ABCA5: variants seen among roughly 807,000 people sequenced by gnomAD.
ABCA5 encodes ATP binding cassette subfamily A member 5, also known as cholesterol transporter ABCA5.
Under a neutral mutation model 206.0 loss-of-function variants are expected in ABCA5, and 163 were observed. The ratio of observed to expected loss-of-function variants is 0.79; its 90% CI spans 0.70 to 0.90. The LOEUF (loss-of-function observed/expected upper bound fraction) is 0.90. Among genes scored for constraint, ABCA5 ranks in the 40% least tolerant of loss-of-function variants. The pLI is 0.00. For synonymous variants in ABCA5, 609 were observed against 613.8 expected, an observed-to-expected ratio of 0.99 and a Z score of 0.11; for missense variants, 1,859 against 1,912.9, an observed-to-expected ratio of 0.97 and a Z score of 0.53.
At chr17:69,308,185 T>C (rs1337909136) in intron 5 of ABCA5, 95 bp downstream of exon 5, 5 of 599,608 alleles carry the variant, frequency 8.3e-6, no homozygotes, top group African/African-American at 7.5e-5. Context: ...TTTTGTACAT[T>C]TGACAGTAGT....
intron 31 of ABCA5, among the ~76,000 whole-genome samples, chr17:69,255,203 T>C (rs2075060664): frequency 6.6e-6 from 1 of 152,150 alleles, no homozygotes; most frequent in Admixed American, 6.6e-5. Context: ...GACATGCTTA[T>C]AATAAAAGAC....
chr17:69,283,491 T>C (rs1421237803), intron 18 of ABCA5, among the ~76,000 whole-genome samples: 1 of 152,190 alleles, frequency 6.6e-6, no homozygotes, highest in Non-Finnish European at 1.5e-5. Context: ...ACAAATGAAA[T>C]TGTTTTCCAG....
Position 69,287,692 on chromosome 17 carries a change from C to T in ABCA5, c.1962G>A (p.Trp654Ter), listed in dbSNP as rs2075473761. 11 of 1,613,862 alleles carry T rather than the reference C, an allele frequency of 6.8e-6. No homozygotes were observed. Among genetic ancestry groups the T allele is most frequent in the Non-Finnish European group, 9.3e-6 (11 of 1,179,888 alleles). Residue 654 changes from tryptophan to a stop codon, truncating the protein, a stop_gained, in exon 15 of 39, where the codon TGG becomes TGA. Transcript: ENST00000392676. LOFTEE classifies it high-confidence loss of function. ...GMDPCSRHIV[W>*]NLLKYRKANR... ...TGGCTTTTCTGTATTTTAAAAGATT[C>T]CATACAATATGTCGAGAACAGGGGT...
chr17:69,302,713 C>T lies in ABCA5; in HGVS notation c.1119+5G>A. The T allele has an allele frequency of 6.7e-7, 1 of 1,502,184 alleles. No individual in the cohort carries two copies. Among genetic ancestry groups the T allele is most frequent in the South Asian group, 1.4e-5 (1 of 69,310 alleles). The allele number at this position is 1,502,184 out of a possible 1,614,324, so 93.1% of individuals were successfully genotyped here. On this transcript the variant is annotated splice_donor_5th_base_variant and intron_variant, in intron 8 of 38. Transcript: ENST00000392676. ...TAGTGAATGCAAGATTAATATATTA[C>T]CTACCTGTGCAATACCAATCACAAA...
intron 3 of ABCA5, among the ~76,000 whole-genome samples, chr17:69,312,284 G>C (rs2075777945): frequency 6.6e-6 from 1 of 152,148 alleles, no homozygotes; most frequent in South Asian, 2.1e-4. Flanking sequence ...TTTGTGAGAA[G>C]TGCACATTGA....
chr17:69,266,619 T>A (rs926987412), intron 23 of ABCA5, among the ~76,000 whole-genome samples: 4 of 147,034 alleles, frequency 2.7e-5, no homozygotes, highest in African/African-American at 9.8e-5. Context: ...TAAATAAAAA[T>A]AAAAAATTTA....
intron 11 of ABCA5, among the ~76,000 whole-genome samples, chr17:69,292,360 TA>T (rs1360790744): frequency 2.0e-5 from 3 of 152,340 alleles, no homozygotes; most frequent in Admixed American, 2.0e-4. Context: ...CCTGTAAGCA[TA>T]TTTTTTGATG....
At chr17:69,290,095 CA>C in intron 12 of ABCA5, 58 bp from the exon 13 acceptor site, 1 of 1,197,432 alleles carries the variant, frequency 8.4e-7, no homozygotes, top group Non-Finnish European at 1.1e-6. Context: ...TGTATGTTTT[CA>C]AGTATCCTGA....
At chr17:69,307,677 T>A (rs1418757538) in intron 5 of ABCA5, among the ~76,000 whole-genome samples, 1 of 152,132 alleles carries the variant, frequency 6.6e-6, no homozygotes, top group Non-Finnish European at 1.5e-5. Context: ...ACAAGACAAT[T>A]ATACATAAAT....
At chr17:69,279,522 G>GA (rs2075368391) in intron 18 of ABCA5, among the ~76,000 whole-genome samples, 1 of 151,006 alleles carries the variant, frequency 6.6e-6, no homozygotes, top group South Asian at 2.1e-4. Context: ...CACAGAATTG[G>GA]AAAAAACTAC....
At chr17:69,248,503 C>T in intron 37 of ABCA5, 186 bp from the exon 38 acceptor site, 1 of 443,450 alleles carries the variant, frequency 2.3e-6, no homozygotes, top group South Asian at 3.2e-5. Context: ...TCCTCTATAG[C>T]CCTAAGTACT....
In ABCA5 at chr17:69,289,387, T is replaced by C. The variant is rs147894647; in HGVS notation, c.1783-91A>G. 1,620 of 1,021,148 alleles carry C rather than the reference T, an allele frequency of 1.6e-3. 22 individuals are homozygous for C. The African/African-American group carries it at 0.024, about 15-fold the overall frequency. 63.3% of individuals were successfully genotyped at this position (1,021,148 alleles called of 1,614,324 possible). On this transcript the variant is annotated intron_variant, in intron 13 of 38. Transcript: ENST00000392676. ...ACTTTTTAAATATTTTAAGTTTTAATGTGTTAGATATTTAAGTAACATAGG... is the reference window on the plus strand; with the variant it reads ...ACTTTTTAAATATTTTAAGTTTTAACGTGTTAGATATTTAAGTAACATAGG...
intron 20 of ABCA5, 147 bp from the exon 21 acceptor site, chr17:69,271,436 C>T (rs2075272882): frequency 4.4e-6 from 4 of 908,618 alleles, no homozygotes; most frequent in African/African-American, 1.7e-5. Context: ...GCCAGTCAGC[C>T]TGGTTTTAAA....
At chr17:69,286,925 G>A (rs1235392601) in intron 15 of ABCA5, among the ~76,000 whole-genome samples, 2 of 152,166 alleles carry the variant, frequency 1.3e-5, no homozygotes, top group African/African-American at 2.4e-5. Flanking sequence ...AGTTAACATA[G>A]CAGGTCAGAG....
At chr17:69,321,582 T>G (rs1013547120) in intron 1 of ABCA5, among the ~76,000 whole-genome samples, 2 of 152,188 alleles carry the variant, frequency 1.3e-5, no homozygotes, top group African/African-American at 4.8e-5. Flanking sequence ...TAAGTTTAAT[T>G]GCCTCTAAAT....
At chr17:69,325,982 C>T (rs1334778380) in intron 1 of ABCA5, among the ~76,000 whole-genome samples, 1 of 152,176 alleles carries the variant, frequency 6.6e-6, no homozygotes, top group Non-Finnish European at 1.5e-5. Flanking sequence ...CACAAATACC[C>T]ACAAAGCCCT....
chr17:69,303,446 T>A (rs1352431880), intron 7 of ABCA5, among the ~76,000 whole-genome samples: 3 of 151,790 alleles, frequency 2.0e-5, no homozygotes, highest in Admixed American at 6.6e-5. Context: ...ATACTGTATT[T>A]TTATCTGTAT....
At position 69,260,398 on chromosome 17, in the gene ABCA5, A is replaced by C. The variant is rs778870974; in HGVS notation, c.3579T>G (p.Asn1193Lys). ...LISFIKISWK[N>K]VRKNVDTYNP... ...TATAGGTGTCCACATTTTTTCGTAC[A>C]TTCTTCCAAGAAATCTAAGACAAAA... Residue 1193 changes from asparagine to lysine, a missense_variant, in exon 27 of 39, where the codon AAT (asparagine) becomes AAG (lysine). By Grantham distance (94) the Asn-to-Lys change is moderately conservative (BLOSUM62 0). Transcript: ENST00000392676. 12 of 1,605,056 alleles carry C rather than the reference A, an allele frequency of 7.5e-6. No individual in the cohort carries two copies. The highest frequency in any genetic ancestry group is 1.0e-5 in the Non-Finnish European group (12 of 1,173,548).
intron 28 of ABCA5, among the ~76,000 whole-genome samples, chr17:69,257,596 A>T (rs1035998807): frequency 5.9e-5 from 9 of 152,034 alleles, no homozygotes; most frequent in African/African-American, 1.9e-4. Context: ...AGAGAGATAT[A>T]GAATAGGAAT....
Sources: gnomAD v4.1 joint callset for allele counts (sites outside exome capture counted in the v4.1 genomes callset) on GRCh38, gnomAD v4.1.1 for gene constraint, MANE v1.5 for transcripts, NCBI Gene and HGNC (gene_info 2026-07-23, HGNC 2026-07-21) for gene names.